COL4A2: variants seen among roughly 807,000 people sequenced by gnomAD.
COL4A2 encodes collagen alpha-2(IV) chain.
Under a neutral mutation model 200.2 loss-of-function variants are expected in COL4A2, and 99 were observed. The ratio of observed to expected loss-of-function variants is 0.49; its 90% confidence interval spans 0.42 to 0.58. The LOEUF (loss-of-function observed/expected upper bound fraction) is 0.58, where lower values mean the gene tolerates loss of function less well. Ranked by LOEUF, COL4A2 falls within the 20% of genes least tolerant of loss-of-function variation. COL4A2 has a pLI of 0.00. For synonymous variants in COL4A2, 897 were observed against 900.6 expected (o/e 1.00, Z 0.07); for missense variants, 1,950 against 2,314.1 (o/e 0.84, Z 3.23).
intron 34 of COL4A2, among the ~76,000 whole-genome samples, chr13:110,486,328 A>G (rs1439879958): frequency 6.6e-6 from 1 of 152,078 alleles, no homozygotes; most frequent in Non-Finnish European, 1.5e-5. Flanking sequence ...GTGAGCCCTG[A>G]CCCTGGGCAG....
At chr13:110,443,486 A>T (rs1476375335) in intron 16 of COL4A2, among the ~76,000 whole-genome samples, 4 of 152,234 alleles carry the variant, frequency 2.6e-5, no homozygotes, top group African/African-American at 9.6e-5. Flanking sequence ...CTTGAAAAAC[A>T]TAAAATCAAC....
chr13:110,442,245 A>AT (rs1328575138), intron 16 of COL4A2, among the ~76,000 whole-genome samples: 3 of 152,220 alleles, frequency 2.0e-5, no homozygotes, highest in African/African-American at 7.2e-5. Context: ...TCAGGCTTTC[A>AT]TTTCCCAGCT....
rs1555332303 is a variant in COL4A2 at position 110,485,544 on chromosome 13, A to AAAAG, written c.3026-109_3026-108insAGAA. The AAAAG allele has an allele frequency of 1.6e-5, 9 of 577,928 alleles. No homozygotes were observed. The East Asian group carries it at 1.9e-4, about 12-fold the overall frequency. 35.8% of individuals were successfully genotyped at this position (577,928 alleles called of 1,614,324 possible). A position where few individuals can be genotyped will look rare whatever the true frequency, so the allele number is the denominator to read the frequency against. On this transcript the variant is annotated intron_variant, in intron 33 of 47. Transcript: ENST00000360467. ...TCTCAAAAAAAAAAAAAAAAAAAAA[A>AAAAG]AAGATTCACAGCACGTAGGACAGCA...
chr13:110,409,120 TACAC>T (rs1954515094), intron 4 of COL4A2, among the ~76,000 whole-genome samples: 1 of 9,576 alleles, frequency 1.0e-4, no homozygotes, highest in East Asian at 0.019. Flanking sequence ...AACACACATA[TACAC>T]ATGCACATGC....
At chr13:110,401,630 C>T (rs1876119667) in intron 4 of COL4A2, among the ~76,000 whole-genome samples, 2 of 152,348 alleles carry the variant, frequency 1.3e-5, no homozygotes, top group African/African-American at 4.8e-5. Flanking sequence ...AGTTAACCAG[C>T]TTACATCCAC....
At chr13:110,366,823 C>G (rs907418920) in intron 4 of COL4A2, among the ~76,000 whole-genome samples, 2 of 152,114 alleles carry the variant, frequency 1.3e-5, no homozygotes, top group Admixed American at 6.5e-5. Context: ...TTAAATGAAA[C>G]AGTCATTTCA....
chr13:110,455,358 G>A (rs771335546), intron 20 of COL4A2, among the ~76,000 whole-genome samples: 6 of 152,010 alleles, frequency 3.9e-5, no homozygotes, highest in Non-Finnish European at 5.9e-5. Context: ...ATTCCCTCCC[G>A]CTCCCCACTT....
At chr13:110,467,185 C>A in intron 27 of COL4A2, 89 bp downstream of exon 27, 2 of 1,524,584 alleles carry the variant, frequency 1.3e-6, no homozygotes, top group South Asian at 1.2e-5. Flanking sequence ...TTCCTCTGGT[C>A]CTGCATCCCC....
At chr13:110,335,397 G>A (rs1241973076) in intron 3 of COL4A2, among the ~76,000 whole-genome samples, 1 of 152,128 alleles carries the variant, frequency 6.6e-6, no homozygotes, top group African/African-American at 2.4e-5. Context: ...TTGCGGTAGA[G>A]TAAGTCTCAT....
intron 4 of COL4A2, among the ~76,000 whole-genome samples, chr13:110,359,428 C>T (rs1441444741): frequency 1.3e-5 from 2 of 152,158 alleles, no homozygotes; most frequent in Non-Finnish European, 2.9e-5. Flanking sequence ...GCCTTTATTC[C>T]CTGGACTCAT....
At chr13:110,502,632 G>A (rs543970679) in intron 41 of COL4A2, 44 of 152,806 alleles carry the variant, frequency 2.9e-4, no homozygotes, top group Non-Finnish European at 5.1e-4. Flanking sequence ...GCCTTTATTC[G>A]GTCTTAAAAA....
intron 4 of COL4A2, among the ~76,000 whole-genome samples, chr13:110,392,607 G>A (rs890754086): frequency 6.6e-6 from 1 of 152,130 alleles, no homozygotes; most frequent in South Asian, 2.1e-4. Flanking sequence ...CCTACCCCAT[G>A]CAGAAAAAAA....
At chr13:110,406,765 C>T (rs1249202111) in intron 4 of COL4A2, among the ~76,000 whole-genome samples, 4 of 152,046 alleles carry the variant, frequency 2.6e-5, no homozygotes, top group African/African-American at 4.8e-5. Context: ...TTCTTCACAC[C>T]TTTTAAATTT....
rs183223800 is a variant in COL4A2, at chr13:110,316,880, C to T, written c.99+8757C>T. ...ACGTCAAAATACAGAAATTGTGGTA[C>T]ATGTAAAACATAGATATGTATATTA... On this transcript the variant is annotated intron_variant, in intron 3 of 47. Transcript: ENST00000360467. Among the ~76,000 whole-genome samples, 17 of 152,176 alleles carry T rather than the reference C, an allele frequency of 1.1e-4. No homozygotes were observed. In the East Asian group the frequency reaches 3.3e-3, roughly 29 times the overall value.
chr13:110,394,896 A>G (rs2139425579), intron 4 of COL4A2, among the ~76,000 whole-genome samples: 1 of 152,334 alleles, frequency 6.6e-6, no homozygotes, highest in South Asian at 2.1e-4. Flanking sequence ...TTGATTTTCA[A>G]TTCAGAACAA....
intron 22 of COL4A2, among the ~76,000 whole-genome samples, chr13:110,461,051 G>T (rs898851894): frequency 6.6e-6 from 1 of 152,172 alleles, no homozygotes; most frequent in East Asian, 1.9e-4. Flanking sequence ...CACAGCTCAC[G>T]TTTGAAAACA....
chr13:110,408,810 T>TAC (rs888020102), intron 4 of COL4A2, among the ~76,000 whole-genome samples: 8 of 29,928 alleles, frequency 2.7e-4, no homozygotes, highest in East Asian at 5.7e-4. Flanking sequence ...CACACATATA[T>TAC]ATACACACAC....
At chr13:110,497,222 G>A (rs1003952566) in intron 40 of COL4A2, among the ~76,000 whole-genome samples, 1 of 142,098 alleles carries the variant, frequency 7.0e-6, no homozygotes, top group Non-Finnish European at 1.5e-5. Context: ...CCAGCACAAC[G>A]TCACTCAGGG....
intron 4 of COL4A2, among the ~76,000 whole-genome samples, chr13:110,399,831 T>G (rs1275749867): frequency 1.3e-5 from 2 of 152,180 alleles, no homozygotes; most frequent in Non-Finnish European, 2.9e-5. Context: ...CATTCTGTTT[T>G]GAGGGTAAGA....
Sources: gnomAD v4.1 joint callset for allele counts (sites outside exome capture counted in the v4.1 genomes callset) on GRCh38, gnomAD v4.1.1 for gene constraint, MANE v1.5 for transcripts, NCBI Gene and HGNC (gene_info 2026-07-23, HGNC 2026-07-21) for gene names.